CDK8: variants seen among roughly 807,000 people sequenced by gnomAD.
The protein encoded by CDK8 is cyclin-dependent kinase 8.
CDK8 carries 29 observed loss-of-function variants against 71.5 expected under a neutral mutation model. The observed-to-expected ratio is 0.41, with a 90% CI of 0.30 to 0.55. CDK8 has a LOEUF of 0.55. CDK8 is among the 20% of genes least tolerant of loss of function. CDK8 has a pLI of 0.37. For missense variants in CDK8, 288 were observed against 572.6 expected (o/e 0.50, Z 5.07); for synonymous variants, 161 against 192.1 (o/e 0.84, Z 1.34).
chr13:26,331,162 T>C (rs1327607291), intron 1 of CDK8, among the ~76,000 whole-genome samples: 1 of 152,210 alleles, frequency 6.6e-6, no homozygotes, highest in East Asian at 1.9e-4. Context: ...TGGTATCTCA[T>C]TGTGGTTTTT....
At chr13:26,394,194 C>G (rs951154604) in intron 7 of CDK8, among the ~76,000 whole-genome samples, 1 of 152,144 alleles carries the variant, frequency 6.6e-6, no homozygotes, top group Non-Finnish European at 1.5e-5. Flanking sequence ...GTTTAAAACA[C>G]CTAAATTTTG....
At chr13:26,394,083 A>G (rs1024819500) in intron 7 of CDK8, among the ~76,000 whole-genome samples, 2 of 152,166 alleles carry the variant, frequency 1.3e-5, no homozygotes, top group Non-Finnish European at 2.9e-5. Flanking sequence ...CATGTATCCT[A>G]TCCCTGGTAT....
chr13:26,260,535 G>A (rs1036057091), intron 1 of CDK8, among the ~76,000 whole-genome samples: 1 of 152,102 alleles, frequency 6.6e-6, no homozygotes, highest in Non-Finnish European at 1.5e-5. Context: ...ATGCTGCTGA[G>A]GTGATGGATG....
At chr13:26,260,213 C>T (rs1366445425) in intron 1 of CDK8, among the ~76,000 whole-genome samples, 3 of 152,050 alleles carry the variant, frequency 2.0e-5, no homozygotes, top group East Asian at 1.9e-4. Context: ...TCTTGCTGTA[C>T]GTGTAGTAGT....
At chr13:26,396,217 T>A in intron 7 of CDK8, 68 bp from the exon 8 acceptor site, 1 of 649,098 alleles carries the variant, frequency 1.5e-6, no homozygotes, top group Non-Finnish European at 2.6e-6. Flanking sequence ...AACGTGGTAA[T>A]AACCTTTTTA....
intron 4 of CDK8, among the ~76,000 whole-genome samples, chr13:26,368,803 T>A (rs74042641): frequency 0.042 from 6,377 of 152,278 alleles, 424 homozygotes; most frequent in African/African-American, 0.14. Flanking sequence ...ATCAATAATA[T>A]TGCTTTTTCT....
chr13:26,285,789 G>A (rs1872986624), intron 1 of CDK8, among the ~76,000 whole-genome samples: 1 of 152,252 alleles, frequency 6.6e-6, no homozygotes, highest in African/African-American at 2.4e-5. Flanking sequence ...ATTTAGTAAA[G>A]TTTCAGGATA....
chr13:26,258,847 C>T (rs1219401548), intron 1 of CDK8, among the ~76,000 whole-genome samples: 1 of 151,606 alleles, frequency 6.6e-6, no homozygotes, highest in Non-Finnish European at 1.5e-5. Flanking sequence ...CGTTGGTTCT[C>T]ATCAACTGCC....
intron 4 of CDK8, among the ~76,000 whole-genome samples, chr13:26,361,384 A>G (rs1188385250): frequency 6.6e-6 from 1 of 152,180 alleles, no homozygotes; most frequent in African/African-American, 2.4e-5. Context: ...TAAACCCCTC[A>G]TAAGTTGAAA....
chr13:26,294,317 T>C (rs1212474971), intron 1 of CDK8, among the ~76,000 whole-genome samples: 1 of 152,028 alleles, frequency 6.6e-6, no homozygotes, highest in Non-Finnish European at 1.5e-5. Flanking sequence ...ATTTTCTTTA[T>C]CCGTTCATCT....
At chr13:26,342,062 A>C (rs1249554090) in intron 2 of CDK8, among the ~76,000 whole-genome samples, 1 of 152,160 alleles carries the variant, frequency 6.6e-6, no homozygotes, top group African/African-American at 2.4e-5. Flanking sequence ...CTGGGACTAC[A>C]GGCACATGCC....
Position 26,401,396 on chromosome 13 carries a change from A to G in CDK8, c.1110+49A>G, listed in dbSNP as rs747833002. The G allele has an allele frequency of 4.3e-6, 7 of 1,612,170 alleles. No individual in the cohort carries two copies. The highest frequency in any genetic ancestry group is 2.2e-5 in the East Asian group (1 of 44,874). ...AGCTTCTTGTTTCGTGAATGCCTCC[A>G]TAACATTTTCCATTGTGGGTATATT... is the stretch of plus-strand genomic sequence containing the variant. On this transcript the variant is annotated intron_variant, in intron 11 of 12. Transcript: ENST00000381527. This position sits in a 1 kb window ranked among gnomAD's most constrained non-coding sequence, Gnocchi z 4.5.
At chr13:26,258,813 A>G (rs188526153) in intron 1 of CDK8, among the ~76,000 whole-genome samples, 5 of 152,296 alleles carry the variant, frequency 3.3e-5, no homozygotes, top group Admixed American at 2.6e-4. Flanking sequence ...GTGCATTTCC[A>G]TATTTTTTAG....
chr13:26,254,776 G>A lies in CDK8; in HGVS notation c.128+7G>A. ...AAGCCAAGAGGAAAGATGGGTGAGT[G>A]TGTGTGTCTGGGCCGGTGTCCGCGC... On this transcript the variant is annotated splice_region_variant and intron_variant, in intron 1 of 12. Transcript: ENST00000381527. This position sits in a 1 kb window ranked among gnomAD's most constrained non-coding sequence, Gnocchi z 6.7. The A allele has an allele frequency of 8.1e-6, 13 of 1,611,612 alleles. No homozygotes were observed. Among genetic ancestry groups the A allele is most frequent in the Non-Finnish European group, 9.3e-6 (11 of 1,178,786 alleles).
chr13:26,259,990 T>A (rs992454439), intron 1 of CDK8, among the ~76,000 whole-genome samples: 6 of 151,972 alleles, frequency 3.9e-5, no homozygotes, highest in African/African-American at 1.4e-4. Flanking sequence ...CTGGTTAAGG[T>A]TTTTAGGAAA....
chr13:26,362,753 T>C (rs1020082474), intron 4 of CDK8, among the ~76,000 whole-genome samples: 6 of 152,244 alleles, frequency 3.9e-5, no homozygotes, highest in African/African-American at 1.4e-4. Context: ...CTGGGTATTC[T>C]TTAGTCAAGT....
At chr13:26,290,019 G>A (rs1027680678) in intron 1 of CDK8, among the ~76,000 whole-genome samples, 1 of 152,058 alleles carries the variant, frequency 6.6e-6, no homozygotes, top group African/African-American at 2.4e-5. Flanking sequence ...AATATTTGAT[G>A]TAAAAATAAC....
chr13:26,380,653 AT>A (rs1243698281), intron 4 of CDK8, among the ~76,000 whole-genome samples: 1 of 151,600 alleles, frequency 6.6e-6, no homozygotes, highest in African/African-American at 2.4e-5. Context: ...AAAAAAAAAA[AT>A]TTTTTTTGTT....
At chr13:26,366,536 T>A (rs1269070171) in intron 4 of CDK8, among the ~76,000 whole-genome samples, 1 of 152,174 alleles carries the variant, frequency 6.6e-6, no homozygotes, top group Admixed American at 6.6e-5. Flanking sequence ...TTAATAGTGA[T>A]CACTTTGTTA....
Sources: allele counts gnomAD v4.1 joint callset (sites outside exome capture counted in the v4.1 genomes callset), GRCh38; gene constraint gnomAD v4.1.1; non-coding constraint Gnocchi (gnomAD v3.1); transcripts MANE v1.5; gene names NCBI Gene and HGNC (gene_info 2026-07-23, HGNC 2026-07-21).